The following PTPRD variants were observed in gnomAD, a reference collection of about 807,000 sequenced individuals.
PTPRD encodes the protein receptor-type tyrosine-protein phosphatase delta.
Under a neutral mutation model 214.5 loss-of-function variants are expected in PTPRD, and 34 were observed. That is an observed-to-expected ratio of 0.16 (90% CI 0.12 to 0.21). The LOEUF is 0.21. PTPRD is among the 10% of genes least tolerant of loss of function. PTPRD has a pLI of 1.00. For synonymous variants in PTPRD, 1,128 were observed against 845.7 expected (o/e 1.33, Z -5.79); for missense variants, 2,545 against 2,398.7 (o/e 1.06, Z -1.27).
chr9:9,347,130 A>G (rs1356753674), intron 9 of PTPRD, among the ~76,000 whole-genome samples: 2 of 152,102 alleles, frequency 1.3e-5, no homozygotes, highest in Non-Finnish European at 2.9e-5. Context: ...TCTTACTACA[A>G]TGCACTGCAG....
At chr9:9,584,080 T>C (rs997315056) in intron 7 of PTPRD, among the ~76,000 whole-genome samples, 1 of 152,066 alleles carries the variant, frequency 6.6e-6, no homozygotes, top group Admixed American at 6.6e-5. Flanking sequence ...CTGATAGTTC[T>C]GCCTTGTTAG....
chr9:10,133,900 C>T (rs976585255), intron 3 of PTPRD, among the ~76,000 whole-genome samples: 1 of 152,050 alleles, frequency 6.6e-6, no homozygotes, highest in African/African-American at 2.4e-5. Flanking sequence ...AGTTTAACTA[C>T]TTTTTTCATA....
At chr9:9,559,886 GCAGA>G (rs1358810821) in intron 8 of PTPRD, among the ~76,000 whole-genome samples, 1 of 152,210 alleles carries the variant, frequency 6.6e-6, no homozygotes, top group Non-Finnish European at 1.5e-5. Context: ...ATGCCAAGGT[GCAGA>G]CAGAGGTTTC....
rs191308722 is a variant in PTPRD at position 8,916,927 on chromosome 9, A to C, written c.-104+101770T>G. Among the ~76,000 whole-genome samples the C allele has an allele frequency of 4.6e-5, 7 of 152,298 alleles. No homozygotes were observed. The East Asian group carries it at 1.4e-3, about 29-fold the overall frequency. Reference sequence around the variant, plus strand: ...TCCTGTGGTATCAAATATCCAAAGCAAACAGTGCACATAAACCACAGGGTT... The same window carrying C: ...TCCTGTGGTATCAAATATCCAAAGCCAACAGTGCACATAAACCACAGGGTT... On this transcript the variant is annotated intron_variant, in intron 11 of 45. Coordinates refer to ENST00000381196, the MANE Select transcript of PTPRD (RefSeq NM_002839.4).
At chr9:9,578,919 T>C (rs1285949341) in intron 7 of PTPRD, among the ~76,000 whole-genome samples, 3 of 152,132 alleles carry the variant, frequency 2.0e-5, no homozygotes, top group African/African-American at 7.2e-5. Context: ...GTATGTAAGA[T>C]CCTGGTCTCA....
At chr9:9,737,191 G>C (rs954405315) in intron 6 of PTPRD, among the ~76,000 whole-genome samples, 2 of 151,924 alleles carry the variant, frequency 1.3e-5, no homozygotes, top group Admixed American at 6.6e-5. Context: ...CATGAATTCA[G>C]TACCCATGGG....
At chr9:9,267,535 G>A (rs189296315) in intron 9 of PTPRD, among the ~76,000 whole-genome samples, 4 of 151,192 alleles carry the variant, frequency 2.6e-5, no homozygotes, top group African/African-American at 7.2e-5. Flanking sequence ...ACACTCATGA[G>A]GCCAGTATTC....
In PTPRD at chr9:9,845,090, AGC is replaced by A. The variant is rs1429081020; in HGVS notation, c.-367-78241_-367-78240del. Among the ~76,000 whole-genome samples the A allele has an allele frequency of 1.8e-4, 22 of 123,828 alleles. 3 individuals are homozygous for A. The highest frequency in any genetic ancestry group is 8.0e-4 in the Admixed American group (8 of 10,000). The allele number at this position is 123,828 out of a possible 152,430, so 81.2% of individuals were successfully genotyped here. ...TATATATATATTGCTCTATATATAT[AGC>A]TATATATATACTGCTATATATATTG... is the stretch of plus-strand genomic sequence containing the variant. On this transcript the variant is annotated intron_variant, in intron 5 of 45. Transcript: ENST00000381196.
chr9:9,148,715 C>G (rs1166167074), intron 10 of PTPRD, among the ~76,000 whole-genome samples: 3 of 152,098 alleles, frequency 2.0e-5, no homozygotes, highest in African/African-American at 4.8e-5. Context: ...TAAAGAAAAC[C>G]CTTTAATGGC....
At chr9:10,194,514 C>T (rs2099389705) in intron 3 of PTPRD, among the ~76,000 whole-genome samples, 1 of 151,702 alleles carries the variant, frequency 6.6e-6, no homozygotes, top group African/African-American at 2.4e-5. Flanking sequence ...AAATTCTTTG[C>T]AAGATCATAC....
At chr9:8,641,633 T>A (rs2096578787) in intron 12 of PTPRD, among the ~76,000 whole-genome samples, 4 of 133,326 alleles carry the variant, frequency 3.0e-5, no homozygotes, top group African/African-American at 1.2e-4. Context: ...TATTCTAGAA[T>A]GTGTCTGCCA....
intron 4 of PTPRD, among the ~76,000 whole-genome samples, chr9:10,019,339 C>A (rs181456043): frequency 6.6e-6 from 1 of 152,208 alleles, no homozygotes; most frequent in African/African-American, 2.4e-5. Context: ...GGACTGTAAA[C>A]TAGTTCAACC....
chr9:10,487,323 C>T (rs754954252), intron 2 of PTPRD, among the ~76,000 whole-genome samples: 1 of 152,150 alleles, frequency 6.6e-6, no homozygotes, highest in Non-Finnish European at 1.5e-5. Context: ...AGGACTTACT[C>T]CTGCCATTTT....
At chr9:10,099,086 T>A (rs370192471) in intron 3 of PTPRD, among the ~76,000 whole-genome samples, 1 of 151,770 alleles carries the variant, frequency 6.6e-6, no homozygotes, top group East Asian at 1.9e-4. Context: ...CATTAATAAA[T>A]GACATTGCTC....
chr9:10,545,331 GT>G (rs968435141), intron 2 of PTPRD, among the ~76,000 whole-genome samples: 1 of 152,116 alleles, frequency 6.6e-6, no homozygotes. Flanking sequence ...TGAAAATTGT[GT>G]GGCTGTATTG....
At chr9:10,108,163 T>C (rs2098653647) in intron 3 of PTPRD, among the ~76,000 whole-genome samples, 1 of 152,086 alleles carries the variant, frequency 6.6e-6, no homozygotes, top group Admixed American at 6.6e-5. Flanking sequence ...GTTATATTGT[T>C]TTCTTTTCTT....
intron 26 of PTPRD, among the ~76,000 whole-genome samples, chr9:8,495,020 T>C (rs1563816446): frequency 6.6e-6 from 1 of 152,096 alleles, no homozygotes; most frequent in Non-Finnish European, 1.5e-5. Context: ...GTCACTGGTC[T>C]ACTGTTTCTC....
At chr9:9,077,400 G>A (rs530476847) in intron 10 of PTPRD, among the ~76,000 whole-genome samples, 1 of 70,084 alleles carries the variant, frequency 1.4e-5, no homozygotes, top group African/African-American at 4.7e-5. Flanking sequence ...TCTTGAATAA[G>A]CTTAATGGAT....
chr9:10,500,404 T>C (rs1589524091), intron 2 of PTPRD, among the ~76,000 whole-genome samples: 1 of 152,012 alleles, frequency 6.6e-6, no homozygotes, highest in East Asian at 1.9e-4. Flanking sequence ...CTTGATTCTT[T>C]TGTTAATTTT....
Sources: gnomAD v4.1 joint callset for allele counts (sites outside exome capture counted in the v4.1 genomes callset) on GRCh38, gnomAD v4.1.1 for gene constraint, MANE v1.5 for transcripts, NCBI Gene and HGNC (gene_info 2026-07-23, HGNC 2026-07-21) for gene names.